Variants in FBXL13 observed in about 807,000 individuals in gnomAD.
The protein encoded by FBXL13 is F-box and leucine-rich repeat protein 13.
In FBXL13, 67 loss-of-function variants were observed where a neutral mutation model predicts 83.6. That is an observed-to-expected ratio of 0.80 (90% CI 0.66 to 0.98). The LOEUF (loss-of-function observed/expected upper bound fraction) is 0.98, where lower values mean the gene tolerates loss of function less well. Among genes scored for constraint, FBXL13 ranks in the 50% least tolerant of loss-of-function variants. The pLI is 0.00. For missense variants in FBXL13, 822 were observed against 866.5 expected (o/e 0.95, Z 0.64); for synonymous variants, 272 against 299.5 (o/e 0.91, Z 0.95).
intron 1 of FBXL13, among the ~76,000 whole-genome samples, chr7:103,071,226 A>G (rs903138184): frequency 3.9e-5 from 6 of 152,088 alleles, no homozygotes; most frequent in South Asian, 2.1e-4. Flanking sequence ...AGAAAAAAAA[A>G]GCTAACATAT....
intron 18 of FBXL13, among the ~76,000 whole-genome samples, chr7:102,826,572 C>CA (rs1799652817): frequency 6.7e-6 from 1 of 150,168 alleles, no homozygotes; most frequent in South Asian, 2.1e-4. Context: ...CCCATATCTA[C>CA]AAAAAATACA....
In FBXL13 at chr7:102,912,681, C is replaced by A. The variant is rs1470924405; in HGVS notation, c.1008+405G>T. ...CACTTATAGCATTTTACCCCCCCCC[C>A]CCCAAAAAAAAACCCATGTGGGAGT... On this transcript the variant is annotated intron_variant, in intron 11 of 19. Coordinates refer to ENST00000313221, the Ensembl canonical transcript of FBXL13. 8.9e-4 allele frequency among the ~76,000 whole-genome samples: 126 copies of A among 140,850 alleles called. 5 individuals carry two copies. The highest frequency in any genetic ancestry group is 1.5e-3 in the Non-Finnish European group (96 of 64,476). 92.4% of individuals were successfully genotyped at this position (140,850 alleles called of 152,430 possible). A position where few individuals can be genotyped will look rare whatever the true frequency, so the allele number is the denominator to read the frequency against.
At chr7:102,884,424 C>T in intron 11 of FBXL13, 112 bp from the exon 13 acceptor site, 2 of 752,874 alleles carry the variant, frequency 2.7e-6, no homozygotes, top group South Asian at 1.7e-5. Context: ...TAAAATTAAC[C>T]ATAAAATGTG....
At chr7:102,834,111 AAAGAAAGAAAGAAAGAAAGAAAG>A (rs1801361404) in intron 17 of FBXL13, among the ~76,000 whole-genome samples, 1 of 114,274 alleles carries the variant, frequency 8.8e-6, no homozygotes, top group African/African-American at 4.3e-5. Context: ...AGAAAGAAAG[AAAGAAAGAAAGAAAGAAAGAAAG>A]AAAGAAAAGA....
chr7:102,885,825 T>C (rs1327505112), intron 11 of FBXL13, among the ~76,000 whole-genome samples: 1 of 152,024 alleles, frequency 6.6e-6, no homozygotes, highest in African/African-American at 2.4e-5. Context: ...CCAACTTCAC[T>C]TTTTTTTCAT....
chr7:103,009,239 C>G (rs1791323919), intron 6 of FBXL13, among the ~76,000 whole-genome samples: 1 of 152,068 alleles, frequency 6.6e-6, no homozygotes, highest in Non-Finnish European at 1.5e-5. Flanking sequence ...GAATTAGAAG[C>G]AGCTCATGTG....
At chr7:103,013,283 T>G (rs146094371) in intron 6 of FBXL13, among the ~76,000 whole-genome samples, 1,673 of 152,192 alleles carry the variant, frequency 0.011, 35 homozygotes, top group African/African-American at 0.039. Flanking sequence ...TGACCAAATA[T>G]ACCTAATATA....
At chr7:103,063,396 G>A (rs1246451767) in intron 1 of FBXL13, among the ~76,000 whole-genome samples, 1 of 152,180 alleles carries the variant, frequency 6.6e-6, no homozygotes, top group African/African-American at 2.4e-5. Flanking sequence ...AAGAGGATGT[G>A]TATAGGTTAT....
rs1791702760 is a variant in FBXL13 at position 103,012,145 on chromosome 7, G to A, written c.495+12918C>T. 2.0e-5 allele frequency among the ~76,000 whole-genome samples: 3 copies of A among 152,164 alleles called. No homozygotes were observed. The South Asian group carries it at 6.2e-4, about 32-fold the overall frequency. On this transcript the variant is annotated intron_variant, in intron 6 of 19. Coordinates refer to ENST00000313221, the Ensembl canonical transcript of FBXL13. ...AATCCCAGCACTTTGGGAGGCTGAGGCTGGTGGATCACCTGAGGTCAGGAG... is the reference window on the plus strand; with the variant it reads ...AATCCCAGCACTTTGGGAGGCTGAGACTGGTGGATCACCTGAGGTCAGGAG...
chr7:102,812,049 A>G (rs796930188), downstream of FBXL13, among the ~76,000 whole-genome samples: 2 of 152,232 alleles, frequency 1.3e-5, no homozygotes, highest in African/African-American at 4.8e-5. Flanking sequence ...GTGGGATACA[A>G]AAAGAGAATT....
rs549696878 is a variant in FBXL13 at position 103,051,155 on chromosome 7, G to A, written c.-1+4489C>T. On this transcript the variant is annotated intron_variant, in intron 2 of 19. Transcript: ENST00000313221. ...GATTCTCAGGGTCTCTTGATTAACTGAGCCAATGATTTTTCCTACCTAAGC... is the reference window on the plus strand; with the variant it reads ...GATTCTCAGGGTCTCTTGATTAACTAAGCCAATGATTTTTCCTACCTAAGC... Among the ~76,000 whole-genome samples, 122 of 151,460 alleles carry A rather than the reference G, an allele frequency of 8.1e-4. 2 individuals are homozygous for A. The South Asian group carries it at 0.024, about 30-fold the overall frequency.
rs556996956 is a variant in FBXL13, at chr7:102,837,029, G to C, written c.1720-4055C>G. ...TTCTATAATGAAGACATTTTTGGCT[G>C]CCCCAAAGGCTAAAATGCAACTTCC... On this transcript the variant is annotated intron_variant, in intron 17 of 19. Transcript: ENST00000313221. Among the ~76,000 whole-genome samples the C allele has an allele frequency of 1.7e-3, 253 of 152,308 alleles. 1 individual carries two copies. The highest frequency in any genetic ancestry group is 5.6e-3 in the African/African-American group (233 of 41,582).
At chr7:103,028,672 T>G (rs1563242730) in exon 4 of FBXL13, 1 of 1,604,444 alleles carries the variant, frequency 6.2e-7, no homozygotes, top group Non-Finnish European at 8.5e-7. Context: ...AGTCTGAAAT[T>G]GTAGCATGTC....
At chr7:102,939,577 T>G in intron 8 of FBXL13, 1 of 1,613,220 alleles carries the variant, frequency 6.2e-7, no homozygotes, top group Non-Finnish European at 8.5e-7. Context: ...ATTGAATTCA[T>G]CGATCCTGGT....
chr7:102,968,193 G>A, intron 6 of FBXL13, 76 bp from the exon 8 acceptor site: 3 of 954,982 alleles, frequency 3.1e-6, no homozygotes, highest in Non-Finnish European at 5.0e-6. Context: ...TTTTGTCTGT[G>A]TGTGTGCACA....
At position 103,004,445 on chromosome 7, in the gene FBXL13, G is replaced by A. The variant is rs76224401; in HGVS notation, c.495+20618C>T. 4.9e-3 allele frequency among the ~76,000 whole-genome samples: 745 copies of A among 152,316 alleles called. 10 individuals carry two copies. The highest frequency in any genetic ancestry group is 0.017 in the African/African-American group (689 of 41,570). On this transcript the variant is annotated intron_variant, in intron 6 of 19. Coordinates refer to ENST00000313221, the Ensembl canonical transcript of FBXL13. Reference sequence around the variant, plus strand: ...AGTGTGCCTCTTACAGCATGGTGCTGCTGAACAGACACTCTGATTTAGTGT... The same window carrying A: ...AGTGTGCCTCTTACAGCATGGTGCTACTGAACAGACACTCTGATTTAGTGT...
chr7:103,027,161 T>C (rs1794017385), intron 5 of FBXL13, among the ~76,000 whole-genome samples: 2 of 152,054 alleles, frequency 1.3e-5, no homozygotes, highest in African/African-American at 4.8e-5. Flanking sequence ...CTGGGTGTGG[T>C]GGCAGACACC....
chr7:102,984,199 C>A (rs140442218), intron 6 of FBXL13, among the ~76,000 whole-genome samples: 1,681 of 151,950 alleles, frequency 0.011, 42 homozygotes, highest in African/African-American at 0.039. Context: ...AATCTGATCA[C>A]ATTAAAAAGC....
At chr7:102,834,087 A>ATG (rs60618094) in intron 17 of FBXL13, among the ~76,000 whole-genome samples, 1 of 59,680 alleles carries the variant, frequency 1.7e-5, no homozygotes, top group Non-Finnish European at 3.5e-5. Flanking sequence ...GAAGGAAAGA[A>ATG]AAGAAAGAAA....
Sources: allele counts gnomAD v4.1 joint callset (sites outside exome capture counted in the v4.1 genomes callset), GRCh38; gene constraint gnomAD v4.1.1; transcripts MANE v1.5; gene names NCBI Gene and HGNC (gene_info 2026-07-23, HGNC 2026-07-21).